Variants in ASXL3 observed in about 807,000 individuals in gnomAD.
The protein encoded by ASXL3 is ASXL transcriptional regulator 3.
ASXL3 carries 34 observed loss-of-function variants against 170.6 expected under a neutral mutation model. The observed-to-expected ratio is 0.20, with a 90% CI of 0.15 to 0.27. ASXL3 has a LOEUF of 0.27. ASXL3 is among the 10% of genes least tolerant of loss of function. ASXL3 has a pLI of 1.00. For missense variants in ASXL3, 2,592 were observed against 2,695.3 expected (o/e 0.96, Z 0.85); for synonymous variants, 1,002 against 989.1 (o/e 1.01, Z -0.24).
chr18:33,731,989 C>T lies in ASXL3; in HGVS notation c.901C>T (p.Arg301Cys), dbSNP rs1262819510. Reference sequence around the variant, plus strand: ...CTAGATGGGAAGTGATGGAATTTTACGCCTCAGTACTTCAGCTCTAAATAA... The same window carrying T: ...CTAGATGGGAAGTGATGGAATTTTATGCCTCAGTACTTCAGCTCTAAATAA... ...DRQMGSDGIL[R>C]LSTSALNNEF... The change falls in exon 9 of 12, where the codon CGC becomes TGC. Residue 301 changes from arginine (R) to cysteine (C), a missense_variant. Coordinates refer to ENST00000269197, the MANE Select transcript of ASXL3 (RefSeq NM_030632.3). The T allele has an allele frequency of 8.7e-6, 14 of 1,611,852 alleles. No individual in the cohort carries two copies. Among genetic ancestry groups the T allele is most frequent in the South Asian group, 2.2e-5 (2 of 90,596 alleles).
chr18:33,727,333 A>C (rs2067369026), intron 8 of ASXL3, among the ~76,000 whole-genome samples: 1 of 152,088 alleles, frequency 6.6e-6, no homozygotes, highest in African/African-American at 2.4e-5. Context: ...TTAAATGTAA[A>C]TATATTATTG....
At chr18:33,708,324 G>T in intron 8 of ASXL3, among the ~76,000 whole-genome samples, 1 of 152,050 alleles carries the variant, frequency 6.6e-6, no homozygotes, top group Non-Finnish European at 1.5e-5. Context: ...TTCATAAATT[G>T]TTTCTGGGAA....
intron 2 of ASXL3, among the ~76,000 whole-genome samples, chr18:33,608,745 G>A (rs2065288544): frequency 1.3e-5 from 2 of 151,938 alleles, no homozygotes; most frequent in Admixed American, 1.3e-4. Flanking sequence ...CCTTTTGAAT[G>A]TTTTCATTGA....
At position 33,746,835 on chromosome 18, in the gene ASXL3, T is replaced by G; in HGVS notation, c.*240T>G. 5.2e-6 allele frequency: 3 copies of G among 578,950 alleles called. No individual in the cohort carries two copies. The South Asian group carries it at 1.3e-4, about 25-fold the overall frequency. The allele number at this position is 578,950 out of a possible 1,614,324, so 35.9% of individuals were successfully genotyped here. On this transcript the variant is annotated 3_prime_UTR_variant, in exon 12 of 12. Transcript: ENST00000269197. Reference sequence around the variant, plus strand: ...GTTGCCATTCCTAGCTTTGGAAAGTTTCTATCTGTCCATGTGTATACAAGT... The same window carrying G: ...GTTGCCATTCCTAGCTTTGGAAAGTGTCTATCTGTCCATGTGTATACAAGT...
chr18:33,656,819 A>G (rs2066092077), intron 4 of ASXL3, among the ~76,000 whole-genome samples: 1 of 152,124 alleles, frequency 6.6e-6, no homozygotes, highest in Non-Finnish European at 1.5e-5. Context: ...TCAAGTTTAC[A>G]ACAATTCATT....
intron 2 of ASXL3, among the ~76,000 whole-genome samples, chr18:33,615,802 CTG>C (rs1376436419): frequency 6.6e-6 from 1 of 152,082 alleles, no homozygotes; most frequent in Non-Finnish European, 1.5e-5. Flanking sequence ...ATATAATACT[CTG>C]ATACTATAGG....
intron 1 of ASXL3, among the ~76,000 whole-genome samples, chr18:33,583,719 A>G (rs1269528164): frequency 6.6e-6 from 1 of 152,082 alleles, no homozygotes; most frequent in African/African-American, 2.4e-5. Context: ...GAAATGAACT[A>G]TTTTCTTGGT....
chr18:33,615,035 G>A (rs2065401391), intron 2 of ASXL3: 2 of 152,056 alleles, frequency 1.3e-5, no homozygotes, highest in South Asian at 4.1e-4. Context: ...AGCCCCAAAC[G>A]GGAGAGTGAA....
At position 33,595,606 on chromosome 18, in the gene ASXL3, A is replaced by G. The variant is rs1263979100; in HGVS notation, c.55-11988A>G. On this transcript the variant is annotated intron_variant, in intron 1 of 11. Transcript: ENST00000269197. ...ATGGGAGGTTCTAGGTAATACTTGG[A>G]AAGTAAGAATGAAAGTAACTAGGAC... 3.3e-5 allele frequency among the ~76,000 whole-genome samples: 5 copies of G among 152,304 alleles called. No individual in the cohort carries two copies. In the East Asian group the frequency reaches 7.7e-4, roughly 24 times the overall value.
At position 33,714,264 on chromosome 18, in the gene ASXL3, A is replaced by G. The variant is rs567041332; in HGVS notation, c.880-17704A>G. Among the ~76,000 whole-genome samples, 8 of 152,270 alleles carry G rather than the reference A, an allele frequency of 5.3e-5. No homozygotes were observed. The East Asian group carries it at 1.4e-3, about 26-fold the overall frequency. ...ATACTTTGTGTTGCTTTGCGTCTCA[A>G]CAATGTCTCTCTGTTACATTTCAGC... is the stretch of plus-strand genomic sequence containing the variant. On this transcript the variant is annotated intron_variant, in intron 8 of 11. Coordinates refer to ENST00000269197, the MANE Select transcript of ASXL3 (RefSeq NM_030632.3).
chr18:33,632,684 T>C (rs1412570367), intron 2 of ASXL3, among the ~76,000 whole-genome samples: 2 of 152,206 alleles, frequency 1.3e-5, no homozygotes, highest in Non-Finnish European at 2.9e-5. Context: ...TGTCTTTGCA[T>C]GTATTTCTTG....
chr18:33,699,669 A>G (rs1319950579), intron 8 of ASXL3, among the ~76,000 whole-genome samples: 4 of 152,102 alleles, frequency 2.6e-5, no homozygotes, highest in African/African-American at 2.4e-5. Flanking sequence ...ATGTTCCCCT[A>G]CAAAGAATAT....
chr18:33,721,921 T>C (rs2067267322), intron 8 of ASXL3, among the ~76,000 whole-genome samples: 1 of 152,048 alleles, frequency 6.6e-6, no homozygotes, highest in African/African-American at 2.4e-5. Flanking sequence ...ATTCTCATAA[T>C]ATTTCAAGCA....
intron 8 of ASXL3, among the ~76,000 whole-genome samples, chr18:33,701,444 T>A (rs2066872676): frequency 6.6e-6 from 1 of 152,140 alleles, no homozygotes; most frequent in Admixed American, 6.6e-5. Context: ...AATTTCCACT[T>A]ATTTAGATCT....
At chr18:33,639,921 T>C (rs1198015829) in intron 2 of ASXL3, among the ~76,000 whole-genome samples, 1 of 152,184 alleles carries the variant, frequency 6.6e-6, no homozygotes, top group African/African-American at 2.4e-5. Context: ...TTTTTTGTCT[T>C]AATCCTTCCT....
At chr18:33,659,014 T>C (rs1024395506) in intron 4 of ASXL3, among the ~76,000 whole-genome samples, 1 of 152,060 alleles carries the variant, frequency 6.6e-6, no homozygotes, top group Non-Finnish European at 1.5e-5. Flanking sequence ...TAAATTTAAC[T>C]CAAAATGTAC....
At chr18:33,706,089 C>T (rs2066951202) in intron 8 of ASXL3, among the ~76,000 whole-genome samples, 1 of 139,658 alleles carries the variant, frequency 7.2e-6, no homozygotes, top group Non-Finnish European at 1.5e-5. Flanking sequence ...CATAATAATT[C>T]CTTATTCTCT....
chr18:33,653,537 G>C (rs750954749), intron 4 of ASXL3, among the ~76,000 whole-genome samples: 28 of 152,122 alleles, frequency 1.8e-4, no homozygotes, highest in Non-Finnish European at 2.5e-4. Context: ...ACTCTTCACA[G>C]TCAGAAATGA....
In ASXL3 at chr18:33,744,478, G is replaced by A. The variant is rs757841895; in HGVS notation, c.4630G>A (p.Ala1544Thr). 6.8e-6 allele frequency: 11 copies of A among 1,612,778 alleles called. No individual in the cohort carries two copies. The highest frequency in any genetic ancestry group is 1.7e-5 in the Admixed American group (1 of 59,928). Residue 1544 changes from alanine (A) to threonine (T), a missense_variant, in exon 12 of 12, where the codon GCA (alanine) becomes ACA (threonine). Ala to Thr is a moderately conservative substitution (Grantham distance 58). Transcript: ENST00000269197. ...CAGTTCCACTTTCATTGCTGCTTCG[G>A]CAGCAAAACAAGACAGTAAAACATT... ...DHSSTFIAAS[A>T]AKQDSKTLPA...
Sources: allele counts gnomAD v4.1 joint callset (sites outside exome capture counted in the v4.1 genomes callset), GRCh38; gene constraint gnomAD v4.1.1; transcripts MANE v1.5; gene names NCBI Gene and HGNC (gene_info 2026-07-23, HGNC 2026-07-21).